CYP4V2: variants seen among roughly 807,000 people sequenced by gnomAD.
The protein encoded by CYP4V2 is cytochrome P450 family 4 subfamily V member 2.
A neutral mutation model predicts 60.8 loss-of-function variants in CYP4V2; 55 were observed. The observed-to-expected ratio is 0.90, with a 90% confidence interval of 0.73 to 1.13. The LOEUF (loss-of-function observed/expected upper bound fraction) is 1.13, where lower values mean the gene tolerates loss of function less well. Ranked by LOEUF, CYP4V2 falls within the 50% of genes most tolerant of loss-of-function variation. CYP4V2 has a pLI of 0.00. For synonymous variants in CYP4V2, 239 were observed against 236.8 expected (o/e 1.01, Z -0.08); for missense variants, 675 against 662.9 (o/e 1.02, Z -0.20).
chr4:186,194,983 T>G (rs1006693543), intron 2 of CYP4V2, among the ~76,000 whole-genome samples: 1 of 152,220 alleles, frequency 6.6e-6, no homozygotes, highest in Non-Finnish European at 1.5e-5. Flanking sequence ...CTCAAGTTGC[T>G]CAGGGTCTCA....
rs935440741 is a variant in CYP4V2, at chr4:186,192,169, C to T, written c.214+132C>T. The T allele has an allele frequency of 5.8e-6, 7 of 1,202,360 alleles. No homozygotes were observed. The Admixed American group carries it at 7.9e-5, about 14-fold the overall frequency. The allele number at this position is 1,202,360 out of a possible 1,614,324, so 74.5% of individuals were successfully genotyped here. ...AGCCTGTCACCCTGTGGAGAATGCA[C>T]TCCCAGTTCTAGTCGTTGCCCCTTG... is the stretch of plus-strand genomic sequence containing the variant. On this transcript the variant is annotated intron_variant, in intron 1 of 10. Transcript: ENST00000378802.
chr4:186,209,408 C>T (rs2126601838), intron 10 of CYP4V2, 136 bp downstream of exon 10: 1 of 1,099,036 alleles, frequency 9.1e-7, no homozygotes, highest in East Asian at 2.4e-5. Context: ...TTTCTTTTTT[C>T]CCTCACTGTG....
At chr4:186,196,644 G>T in intron 3 of CYP4V2, 1 of 357,186 alleles carries the variant, frequency 2.8e-6, no homozygotes, top group Non-Finnish European at 5.0e-6. Flanking sequence ...TTAGAAACTC[G>T]GAACTTAGAA....
Position 186,211,682 on chromosome 4 carries a change from C to CACACACAT in CYP4V2, c.*1048_*1049insTACACACA, listed in dbSNP as rs1346958205. On this transcript the variant is annotated 3_prime_UTR_variant, in exon 11 of 11. Transcript: ENST00000378802. The stretch of plus-strand genomic sequence containing the variant: ...ACACACATACACACACACACACACA[C>CACACACAT]ACACACACACACACATACACACATA... The CACACACAT allele has an allele frequency of 1.1e-5, 1 of 90,946 alleles. No individual in the cohort carries two copies. Among genetic ancestry groups the CACACACAT allele is most frequent in the East Asian group, 3.7e-4 (1 of 2,694 alleles). 5.6% of individuals were successfully genotyped at this position (90,946 alleles called of 1,614,324 possible).
Position 186,199,295 on chromosome 4 carries a change from AAAT to A in CYP4V2, c.801+215_801+217del, listed in dbSNP as rs1254283058. On this transcript the variant is annotated intron_variant, in intron 6 of 10. Coordinates refer to ENST00000378802, the MANE Select transcript of CYP4V2 (RefSeq NM_207352.4). ...AGGACTATGGAGCCTATGTCTCAGA[AAAT>A]AAAACTTGAATAATAATAGAAAACA... 3.3e-5 allele frequency among the ~76,000 whole-genome samples: 5 copies of A among 152,338 alleles called. No individual in the cohort carries two copies. The East Asian group carries it at 7.7e-4, about 23-fold the overall frequency.
chr4:186,197,030 A>G lies in CYP4V2; in HGVS notation c.504A>G (p.Glu168=), dbSNP rs770874016. 3 of 1,613,896 alleles carry G rather than the reference A, an allele frequency of 1.9e-6. No individual in the cohort carries two copies. The South Asian group carries it at 3.3e-5, about 18-fold the overall frequency. ...ILEDFLDIMN[E]QANILVKKLE... ...AAGATTTCTTAGATATCATGAATGA[A>G]CAAGCAAATATATTGGTTAAGAAAC... The change falls in exon 4 of 11, where the codon GAA becomes GAG. Residue 168 remains glutamate (E), a synonymous_variant. Transcript: ENST00000378802.
intron 7 of CYP4V2, chr4:186,202,198 A>G (rs968564263): frequency 2.0e-5 from 3 of 152,214 alleles, no homozygotes; most frequent in African/African-American, 7.2e-5. Context: ...TTCTGTCACA[A>G]TTTTCCTATG....
intron 5 of CYP4V2, among the ~76,000 whole-genome samples, chr4:186,198,084 C>G (rs1736209459): frequency 6.6e-6 from 1 of 152,176 alleles, no homozygotes; most frequent in African/African-American, 2.4e-5. Context: ...TCGAAACAGT[C>G]AATTTTACTC....
At chr4:186,201,749 T>C in intron 7 of CYP4V2, 1 of 227,858 alleles carries the variant, frequency 4.4e-6, no homozygotes, top group Non-Finnish European at 8.7e-6. Context: ...TGCCATGAGC[T>C]ACTCTACCTA....
intron 7 of CYP4V2, chr4:186,204,239 AGGTGG>A (rs1736412487): frequency 7.6e-5 from 13 of 170,856 alleles, no homozygotes; most frequent in South Asian, 1.5e-4. Context: ...CTGGCGTAAG[AGGTGG>A]CGGTGGAGAC....
At chr4:186,196,195 T>G in intron 3 of CYP4V2, 107 bp downstream of exon 3, 1 of 1,016,628 alleles carries the variant, frequency 9.8e-7, no homozygotes, top group Non-Finnish European at 1.5e-6. Flanking sequence ...AGCAGGACTG[T>G]TCTCTCAGAA....
At chr4:186,204,524 C>CT (rs1561435839) in intron 7 of CYP4V2, 1 of 183,058 alleles carries the variant, frequency 5.5e-6, no homozygotes, top group South Asian at 8.8e-5. Context: ...GCTCAGCTGG[C>CT]TTTGTCATCG....
rs1270828621 is a variant in CYP4V2 at position 186,209,243 on chromosome 4, C to T, written c.1376C>T (p.Pro459Leu). 6.2e-7 allele frequency: 1 copy of T among 1,613,792 alleles called. No homozygotes were observed. Among genetic ancestry groups the T allele is most frequent in the Admixed American group, 1.7e-5 (1 of 59,992 alleles). Residue 459 changes from proline (P) to leucine (L), a missense_variant, in exon 10 of 11, where the codon CCC (proline) becomes CTC (leucine). Physicochemically the swap from Pro to Leu is moderately conservative, Grantham distance 98 (BLOSUM62 -3). Coordinates refer to ENST00000378802, the MANE Select transcript of CYP4V2 (RefSeq NM_207352.4). ...AQGRHPYAYV[P>L]FSAGPRNCIG... Reference sequence around the variant, plus strand: ...GGGCGCCATCCATATGCCTACGTGCCCTTCTCTGCTGGCCCCAGGAACTGT... The same window carrying T: ...GGGCGCCATCCATATGCCTACGTGCTCTTCTCTGCTGGCCCCAGGAACTGT...
Position 186,209,058 on chromosome 4 carries a change from T to C in CYP4V2, c.1226-35T>C, listed in dbSNP as rs375518226. ...GGAAACTTTCTAATGTCTACCTTGC[T>C]CCGGTCTCATAATGTATTGACTACT... On this transcript the variant is annotated intron_variant, in intron 9 of 10. Coordinates refer to ENST00000378802, the MANE Select transcript of CYP4V2 (RefSeq NM_207352.4). The C allele has an allele frequency of 1.7e-5, 28 of 1,614,058 alleles. No individual in the cohort carries two copies. The African/African-American group carries it at 3.2e-4, about 18-fold the overall frequency.
chr4:186,206,874 T>C (rs1736522959), intron 8 of CYP4V2, among the ~76,000 whole-genome samples: 1 of 152,236 alleles, frequency 6.6e-6, no homozygotes, highest in Non-Finnish European at 1.5e-5. Flanking sequence ...ATTTTAGTTT[T>C]GCTTAGATTG....
intron 10 of CYP4V2, among the ~76,000 whole-genome samples, chr4:186,209,781 G>T (rs538692790): frequency 2.2e-4 from 33 of 152,270 alleles, no homozygotes; most frequent in African/African-American, 7.5e-4. Context: ...TAAGGTATGG[G>T]GGGGGCTTAG....
chr4:186,209,294 T>A, intron 10 of CYP4V2, 22 bp downstream of exon 10: 2 of 1,613,876 alleles, frequency 1.2e-6, no homozygotes, highest in Non-Finnish European at 1.7e-6. Context: ...TCTGAATTGG[T>A]TTGACCTTTC....
chr4:186,200,803 T>G (rs1736282774), intron 6 of CYP4V2, among the ~76,000 whole-genome samples: 1 of 152,200 alleles, frequency 6.6e-6, no homozygotes, highest in South Asian at 2.1e-4. Context: ...TAGACTGTTG[T>G]ATAATGATTG....
At chr4:186,201,033 C>A (rs1178851459) in intron 6 of CYP4V2, 124 bp from the exon 7 acceptor site, 2 of 1,001,492 alleles carry the variant, frequency 2.0e-6, no homozygotes, top group East Asian at 2.6e-5. Flanking sequence ...CCTATGTTGT[C>A]GAAATGTTGA....
Sources: gnomAD v4.1 joint callset for allele counts (sites outside exome capture counted in the v4.1 genomes callset) on GRCh38, gnomAD v4.1.1 for gene constraint, MANE v1.5 for transcripts, NCBI Gene and HGNC (gene_info 2026-07-23, HGNC 2026-07-21) for gene names.